The following SMG6 variants were observed in gnomAD, a reference collection of about 807,000 sequenced individuals.
SMG6 encodes the protein telomerase-binding protein EST1A.
In SMG6, 66 loss-of-function variants were observed where a neutral mutation model predicts 142.2. The observed-to-expected ratio is 0.46, with a 90% CI of 0.38 to 0.57. SMG6 has a LOEUF of 0.57. Ranked by LOEUF, SMG6 falls within the 20% of genes least tolerant of loss-of-function variation. The pLI is 0.00. For missense variants in SMG6, 1,793 were observed against 1,832.0 expected, an observed-to-expected ratio of 0.98 and a Z score of 0.39; for synonymous variants, 779 against 702.4, an observed-to-expected ratio of 1.11 and a Z score of -1.72.
At chr17:2,241,650 CAAAATGCTAGG>C (rs975761645) in intron 9 of SMG6, among the ~76,000 whole-genome samples, 1 of 152,148 alleles carries the variant, frequency 6.6e-6, no homozygotes, top group Admixed American at 6.5e-5. Flanking sequence ...CTTGGCCTCT[CAAAATGCTAGG>C]ATTATAGGCG....
chr17:2,292,628 C>T lies in SMG6; in HGVS notation c.2261G>A (p.Trp754Ter). 6.4e-7 allele frequency: 1 copy of T among 1,573,664 alleles called. No homozygotes were observed. Among genetic ancestry groups the T allele is most frequent in the Non-Finnish European group, 8.6e-7 (1 of 1,159,360 alleles). Residue 754 changes from tryptophan to a stop codon, truncating the protein, a stop_gained and splice_region_variant, in exon 6 of 19, where the codon TGG becomes TAG. Coordinates refer to ENST00000263073, the MANE Select transcript of SMG6 (RefSeq NM_017575.5). LOFTEE classifies it high-confidence loss of function. Reference protein sequence around the residue: ...DTANYGKARSWYLKAQHIAPK... With the variant: ...DTANYGKARS ...AGCAATGTGCTGGGCCTTCAGGTAC[C>T]AACTAGAACAGAAAAAACAGTAAGA...
At chr17:2,066,971 T>G (rs765775902) in intron 16 of SMG6, among the ~76,000 whole-genome samples, 38 of 152,258 alleles carry the variant, frequency 2.5e-4, no homozygotes, top group Non-Finnish European at 4.4e-4. Flanking sequence ...AAGGGAAAGC[T>G]GGCGGCTTAA....
At chr17:2,228,015 T>C (rs887731156) in intron 10 of SMG6, among the ~76,000 whole-genome samples, 4 of 152,196 alleles carry the variant, frequency 2.6e-5, no homozygotes, top group African/African-American at 9.6e-5. Flanking sequence ...AATAGTATGA[T>C]TAGCACGATA....
At chr17:2,151,624 G>A (rs1317419257) in intron 13 of SMG6, among the ~76,000 whole-genome samples, 2 of 152,326 alleles carry the variant, frequency 1.3e-5, no homozygotes, top group East Asian at 1.9e-4. Flanking sequence ...CTCTACTAAT[G>A]TCTAGTCAGT....
rs895915205 is a variant in SMG6, at chr17:2,172,600, A to C, written c.3357+58T>G. The C allele has an allele frequency of 9.5e-6, 15 of 1,571,234 alleles. No individual in the cohort carries two copies. The African/African-American group carries it at 1.9e-4, about 20-fold the overall frequency. On this transcript the variant is annotated intron_variant, in intron 13 of 18. Transcript: ENST00000263073. ...CACAGAAAACTTCCCAAGAATAAAA[A>C]AGTCTGGAGAATTAAGAGGAGGGGC...
intron 13 of SMG6, among the ~76,000 whole-genome samples, chr17:2,126,914 A>AC (rs79252143): frequency 4.6e-5 from 7 of 151,948 alleles, no homozygotes; most frequent in East Asian, 1.9e-4. Context: ...ACATGCACAC[A>AC]GACACAAACA....
intron 13 of SMG6, among the ~76,000 whole-genome samples, chr17:2,116,556 G>A (rs2069512617): frequency 6.6e-6 from 1 of 152,082 alleles, no homozygotes. Flanking sequence ...GACCAGCCTG[G>A]CCAACATGGT....
At chr17:2,078,616 C>G (rs1433484183) in intron 15 of SMG6, among the ~76,000 whole-genome samples, 1 of 152,034 alleles carries the variant, frequency 6.6e-6, no homozygotes, top group African/African-American at 2.4e-5. Flanking sequence ...AAGTGATCTG[C>G]CAGCCTCGGC....
chr17:2,190,417 C>T (rs2151697138), intron 10 of SMG6, among the ~76,000 whole-genome samples: 1 of 152,310 alleles, frequency 6.6e-6, no homozygotes, highest in South Asian at 2.1e-4. Context: ...TTTTATGAAG[C>T]ACAGGCTACA....
At chr17:2,176,635 C>T (rs746185771) in intron 12 of SMG6, among the ~76,000 whole-genome samples, 1 of 152,130 alleles carries the variant, frequency 6.6e-6, no homozygotes, top group Non-Finnish European at 1.5e-5. Flanking sequence ...TTATGGCTCC[C>T]AGAATGATGG....
chr17:2,090,743 TC>T (rs1380131509), intron 13 of SMG6, among the ~76,000 whole-genome samples: 2 of 152,208 alleles, frequency 1.3e-5, no homozygotes, highest in Admixed American at 1.3e-4. Context: ...CACACGGGTT[TC>T]CCCCCACAAA....
intron 15 of SMG6, among the ~76,000 whole-genome samples, chr17:2,078,092 TAGGAGCCTGGTGGGC>T (rs1293924563): frequency 3.3e-5 from 5 of 152,014 alleles, no homozygotes; most frequent in Non-Finnish European, 5.9e-5. Context: ...GTGCAGTGAA[TAGGAGCCTGGTGGGC>T]AGGAGCCTGG....
At chr17:2,146,651 G>C (rs1347612907) in intron 13 of SMG6, among the ~76,000 whole-genome samples, 1 of 152,030 alleles carries the variant, frequency 6.6e-6, no homozygotes, top group Admixed American at 6.6e-5. Context: ...AGTGATTCTC[G>C]AACTCTTAAG....
Position 2,081,880 on chromosome 17 carries a change from T to C in SMG6, c.3611A>G (p.Glu1204Gly). Residue 1204 changes from glutamate to glycine, a missense_variant, in exon 15 of 19, where the codon GAG becomes GGG. Glu to Gly is a moderately conservative substitution (Grantham distance 98). Transcript: ENST00000263073. ...EGSGGEDDIR[E>G]LRAKKLALAR... Reference sequence around the variant, plus strand: ...CAGAGCCAGCTTCTTGGCCCGAAGCTCCCTGATGTCATCCTCGCCTCCGCT... The same window carrying C: ...CAGAGCCAGCTTCTTGGCCCGAAGCCCCCTGATGTCATCCTCGCCTCCGCT... The C allele has an allele frequency of 6.2e-7, 1 of 1,614,134 alleles. No homozygotes were observed. Among genetic ancestry groups the C allele is most frequent in the Non-Finnish European group, 8.5e-7 (1 of 1,180,026 alleles).
intron 8 of SMG6, among the ~76,000 whole-genome samples, chr17:2,248,337 G>A (rs1158034343): frequency 1.3e-5 from 2 of 152,114 alleles, no homozygotes; most frequent in African/African-American, 4.8e-5. Flanking sequence ...GGGAATAAGA[G>A]CAACTAAGAA....
intron 8 of SMG6, among the ~76,000 whole-genome samples, chr17:2,259,896 CGGTTT>C (rs937238140): frequency 1.5e-4 from 23 of 152,270 alleles, no homozygotes; most frequent in African/African-American, 5.5e-4. Flanking sequence ...GTCACAAAGA[CGGTTT>C]CACAAACCAC....
chr17:2,124,038 G>C (rs1203301015), intron 13 of SMG6, among the ~76,000 whole-genome samples: 1 of 152,106 alleles, frequency 6.6e-6, no homozygotes, highest in Non-Finnish European at 1.5e-5. Context: ...ACAGCTCAAG[G>C]CTCCACCCAA....
chr17:2,171,997 T>TAC (rs977439087), intron 13 of SMG6, among the ~76,000 whole-genome samples: 1 of 152,166 alleles, frequency 6.6e-6, no homozygotes, highest in Admixed American at 6.5e-5. Flanking sequence ...GGACTACCCC[T>TAC]ACTCTTTACC....
chr17:2,252,344 G>A (rs1024677357), intron 8 of SMG6, among the ~76,000 whole-genome samples: 3 of 151,350 alleles, frequency 2.0e-5, no homozygotes, highest in African/African-American at 7.3e-5. Flanking sequence ...AGACTGCAGT[G>A]AGCCAAGATG....
Sources: allele counts gnomAD v4.1 joint callset (sites outside exome capture counted in the v4.1 genomes callset), GRCh38; gene constraint gnomAD v4.1.1; transcripts MANE v1.5; gene names NCBI Gene and HGNC (gene_info 2026-07-23, HGNC 2026-07-21).